PPARD: variants seen among roughly 807,000 people sequenced by gnomAD.
PPARD encodes the protein peroxisome proliferator activated receptor delta.
A neutral mutation model predicts 39.5 loss-of-function variants in PPARD; 6 were observed. The ratio of observed to expected loss-of-function variants is 0.15; its 90% CI spans 0.08 to 0.30. The LOEUF (loss-of-function observed/expected upper bound fraction) is 0.30. Among genes scored for constraint, PPARD ranks in the 10% least tolerant of loss-of-function variants. The pLI is 1.00. For missense variants in PPARD, 397 were observed against 596.8 expected (o/e 0.67, Z 3.49); for synonymous variants, 210 against 231.3 (o/e 0.91, Z 0.83).
intron 3 of PPARD, among the ~76,000 whole-genome samples, chr6:35,417,745 T>A (rs1189660311): frequency 6.6e-6 from 1 of 151,872 alleles, no homozygotes. Context: ...TTGGCCAGGA[T>A]GGTTTCAATC....
At chr6:35,345,660 AACCCG>A (rs1213520031) in intron 1 of PPARD, among the ~76,000 whole-genome samples, 5 of 152,050 alleles carry the variant, frequency 3.3e-5, no homozygotes, top group African/African-American at 9.7e-5. Context: ...TCAGCCTTTC[AACCCG>A]ACCTGTGGTC....
At chr6:35,422,601 A>G (rs941828721) in intron 5 of PPARD, among the ~76,000 whole-genome samples, 1 of 152,150 alleles carries the variant, frequency 6.6e-6, no homozygotes, top group African/African-American at 2.4e-5. Context: ...TGTGATCTCT[A>G]CAGGCAGGTT....
At chr6:35,355,412 C>A (rs13206810) in intron 2 of PPARD, among the ~76,000 whole-genome samples, 1 of 151,550 alleles carries the variant, frequency 6.6e-6, no homozygotes, top group Non-Finnish European at 1.5e-5. Context: ...ATTATCCAGG[C>A]GTGGTGGTAC....
rs1171204070 is a variant in PPARD at position 35,363,956 on chromosome 6, G to A, written c.-102+16806G>A. On this transcript the variant is annotated intron_variant, in intron 2 of 7. Transcript: ENST00000360694. The surrounding 1 kb of genome is among the most constrained non-coding windows in gnomAD (Gnocchi z 4.5). Reference sequence around the variant, plus strand: ...AATATATTTATATATTATATTAACGGTTTTATATATTATTTTAGCTGTGTT... The same window carrying A: ...AATATATTTATATATTATATTAACGATTTTATATATTATTTTAGCTGTGTT... Among the ~76,000 whole-genome samples the A allele has an allele frequency of 6.7e-6, 1 of 149,578 alleles. No homozygotes were observed. The highest frequency in any genetic ancestry group is 1.5e-5 in the Non-Finnish European group (1 of 67,544).
At chr6:35,380,468 TTTTG>T (rs1562190269) in intron 2 of PPARD, among the ~76,000 whole-genome samples, 1 of 94,878 alleles carries the variant, frequency 1.1e-5, no homozygotes. Flanking sequence ...TGTTTTTTTT[TTTTG>T]TTTGTTTTTT....
At chr6:35,353,225 C>A (rs2150445726) in intron 2 of PPARD, among the ~76,000 whole-genome samples, 1 of 152,200 alleles carries the variant, frequency 6.6e-6, no homozygotes, top group East Asian at 1.9e-4. Context: ...GGTTTTGGAG[C>A]AAGGAGTGGT....
At chr6:35,397,243 A>G (rs550284441) in intron 2 of PPARD, among the ~76,000 whole-genome samples, 47 of 149,064 alleles carry the variant, frequency 3.2e-4, no homozygotes, top group African/African-American at 1.0e-3. Flanking sequence ...ACTGAGTAAT[A>G]GTAGCCTTGG....
Position 35,420,114 on chromosome 6 carries a change from C to G in PPARD, c.131-13C>G, listed in dbSNP as rs376190246. 6.2e-7 allele frequency: 1 copy of G among 1,609,642 alleles called. No homozygotes were observed. The highest frequency in any genetic ancestry group is 1.7e-5 in the Admixed American group (1 of 59,800). Reference sequence around the variant, plus strand: ...GCAGCATGTGGAGCTGCCCCTCCATCGTGTGTCCGCAGACCTCTCCCGGAG... The same window carrying G: ...GCAGCATGTGGAGCTGCCCCTCCATGGTGTGTCCGCAGACCTCTCCCGGAG... On this transcript the variant is annotated splice_polypyrimidine_tract_variant and intron_variant, in intron 3 of 7. Coordinates refer to ENST00000360694, the MANE Select transcript of PPARD (RefSeq NM_006238.5).
At chr6:35,380,459 G>GT (rs11334296) in intron 2 of PPARD, among the ~76,000 whole-genome samples, 15 of 97,096 alleles carry the variant, frequency 1.5e-4, no homozygotes, top group South Asian at 7.1e-4. Flanking sequence ...TTAACCTCGT[G>GT]TTTTTTTTTT....
rs1367811249 is a variant in PPARD at position 35,367,413 on chromosome 6, G to A, written c.-102+20263G>A. On this transcript the variant is annotated intron_variant, in intron 2 of 7. Transcript: ENST00000360694. ...GTGATGGTAACTGGCACTGGCCTGC[G>A]CTTCAGACTTTCACAGCCCGTTCAC... is the stretch of plus-strand genomic sequence containing the variant. 2.0e-5 allele frequency among the ~76,000 whole-genome samples: 3 copies of A among 152,136 alleles called. No individual in the cohort carries two copies. In the South Asian group the frequency reaches 6.2e-4, roughly 32 times the overall value.
chr6:35,395,449 G>A (rs1266508413), intron 2 of PPARD, among the ~76,000 whole-genome samples: 1 of 152,214 alleles, frequency 6.6e-6, no homozygotes, highest in African/African-American at 2.4e-5. Flanking sequence ...CTGTAAGCAG[G>A]GGGACATGTC....
At chr6:35,415,373 G>A (rs993299890) in intron 3 of PPARD, among the ~76,000 whole-genome samples, 2 of 152,190 alleles carry the variant, frequency 1.3e-5, no homozygotes, top group Non-Finnish European at 2.9e-5. Flanking sequence ...TAGACCAATC[G>A]GGCGCCTCCT....
chr6:35,416,103 C>T lies in PPARD; in HGVS notation c.131-4024C>T, dbSNP rs1216001427. On this transcript the variant is annotated intron_variant, in intron 3 of 7. Coordinates refer to ENST00000360694, the MANE Select transcript of PPARD (RefSeq NM_006238.5). ...ATCTAAAAAATATCTTCTTAGTGGC[C>T]GGGCACAGTGGCTCATGCCTGTAAT... 5.9e-5 allele frequency among the ~76,000 whole-genome samples: 9 copies of T among 152,084 alleles called. No homozygotes were observed. In the East Asian group the frequency reaches 1.2e-3, roughly 20 times the overall value.
At chr6:35,354,807 A>G (rs76766106) in intron 2 of PPARD, among the ~76,000 whole-genome samples, 2 of 152,180 alleles carry the variant, frequency 1.3e-5, no homozygotes, top group East Asian at 1.9e-4. Context: ...GACGTTTTCA[A>G]CATATGATGG....
At chr6:35,403,020 G>A (rs1219351997) in intron 2 of PPARD, among the ~76,000 whole-genome samples, 1 of 152,164 alleles carries the variant, frequency 6.6e-6, no homozygotes, top group Non-Finnish European at 1.5e-5. Context: ...TGCATGTGGG[G>A]CGAGAAGGGG....
At chr6:35,387,200 G>A (rs191161303) in intron 2 of PPARD, among the ~76,000 whole-genome samples, 1 of 145,938 alleles carries the variant, frequency 6.9e-6, no homozygotes, top group East Asian at 1.9e-4. Context: ...AGGGGTTGCT[G>A]TCGGTGAGCT....
intron 2 of PPARD, among the ~76,000 whole-genome samples, chr6:35,404,291 A>G (rs545676717): frequency 6.6e-6 from 1 of 152,328 alleles, no homozygotes; most frequent in African/African-American, 2.4e-5. Flanking sequence ...TTAAATGGAG[A>G]TGATAATAGT....
rs1389189784 is a variant in PPARD, at chr6:35,412,768, G to A, written c.130+1551G>A. On this transcript the variant is annotated intron_variant, in intron 3 of 7. Coordinates refer to ENST00000360694, the MANE Select transcript of PPARD (RefSeq NM_006238.5). This position sits in a 1 kb window ranked among gnomAD's most constrained non-coding sequence, Gnocchi z 4.1. ...TTCTAGGGCCAAAGTGAAGGTGTCCGCCATTCCCCGAGTAAGCAACTTCCT... is the reference window on the plus strand; with the variant it reads ...TTCTAGGGCCAAAGTGAAGGTGTCCACCATTCCCCGAGTAAGCAACTTCCT... 6.6e-6 allele frequency among the ~76,000 whole-genome samples: 1 copy of A among 152,132 alleles called. No homozygotes were observed. Among genetic ancestry groups the A allele is most frequent in the Non-Finnish European group, 1.5e-5 (1 of 68,016 alleles).
intron 5 of PPARD, among the ~76,000 whole-genome samples, 197 bp from the exon 6 acceptor site, chr6:35,423,747 CAA>C (rs376633720): frequency 1.4e-4 from 20 of 139,566 alleles, no homozygotes; most frequent in Admixed American, 2.1e-4. Flanking sequence ...AAAGATACAC[CAA>C]AAAAAAAAAA....
Sources: gnomAD v4.1 joint callset for allele counts (sites outside exome capture counted in the v4.1 genomes callset) on GRCh38, gnomAD v4.1.1 for gene constraint, Gnocchi (gnomAD v3.1) non-coding constraint, MANE v1.5 for transcripts, NCBI Gene and HGNC (gene_info 2026-07-23, HGNC 2026-07-21) for gene names.